The following USP13 variants were observed in gnomAD, a reference collection of about 807,000 sequenced individuals.
USP13 encodes the protein ubiquitin specific peptidase 13, also known as ubiquitin carboxyl-terminal hydrolase 13.
In USP13, 68 loss-of-function variants were observed where a neutral mutation model predicts 107.8. That is an observed-to-expected ratio of 0.63 (90% CI 0.52 to 0.77). The LOEUF (loss-of-function observed/expected upper bound fraction) is 0.77, where lower values mean the gene tolerates loss of function less well. Among genes scored for constraint, USP13 ranks in the 30% least tolerant of loss-of-function variants. The pLI, the probability that USP13 is intolerant of heterozygous loss-of-function variation, is 0.00. For synonymous variants in USP13, 377 were observed against 389.5 expected (o/e 0.97, Z 0.38); for missense variants, 945 against 1,093.3 (o/e 0.86, Z 1.91).
intron 6 of USP13, among the ~76,000 whole-genome samples, chr3:179,716,215 T>A (rs889382890): frequency 3.3e-5 from 5 of 152,158 alleles, no homozygotes; most frequent in Non-Finnish European, 5.9e-5. Context: ...TGAGCCACCG[T>A]GCCCGGCCTT....
Position 179,742,165 on chromosome 3 carries a change from C to A in USP13, c.1381-32C>A, listed in dbSNP as rs761064664. 6.2e-7 allele frequency: 1 copy of A among 1,613,548 alleles called. No individual in the cohort carries two copies. The highest frequency in any genetic ancestry group is 2.2e-5 in the East Asian group (1 of 44,870). On this transcript the variant is annotated intron_variant, in intron 11 of 20. Coordinates refer to ENST00000263966, the MANE Select transcript of USP13 (RefSeq NM_003940.3). The surrounding 1 kb of genome is among the most constrained non-coding windows in gnomAD (Gnocchi z 5.0). The stretch of plus-strand genomic sequence containing the variant: ...AAGTCTTAGTGGCTCAATATTCATA[C>A]ATTTACTAACCTGATACAATCCATC...
chr3:179,728,400 C>T (rs1315990719), intron 8 of USP13, among the ~76,000 whole-genome samples: 3 of 149,434 alleles, frequency 2.0e-5, no homozygotes, highest in East Asian at 2.0e-4. Context: ...CGGGCAGAGA[C>T]GCTCCTCACT....
At chr3:179,656,764 C>T (rs1339340212) in intron 1 of USP13, among the ~76,000 whole-genome samples, 1 of 152,166 alleles carries the variant, frequency 6.6e-6, no homozygotes, top group Non-Finnish European at 1.5e-5. Flanking sequence ...CCTGTCTAAC[C>T]CCCAGTGACA....
At chr3:179,728,173 G>T (rs1318812964) in intron 8 of USP13, among the ~76,000 whole-genome samples, 2 of 136,050 alleles carry the variant, frequency 1.5e-5, no homozygotes, top group Admixed American at 7.2e-5. Context: ...CTCACCTCCC[G>T]GACGGGGCGG....
chr3:179,729,712 T>G (rs137914673), intron 8 of USP13, among the ~76,000 whole-genome samples: 1,648 of 152,258 alleles, frequency 0.011, 18 homozygotes, highest in South Asian at 0.029. Context: ...CCTCCGATGA[T>G]CCACCCGCCT....
At position 179,653,617 on chromosome 3, in the gene USP13, T is replaced by C; in HGVS notation, c.168+224T>C. On this transcript the variant is annotated intron_variant, in intron 1 of 20. Coordinates refer to ENST00000263966, the MANE Select transcript of USP13 (RefSeq NM_003940.3). The surrounding 1 kb of genome is among the most constrained non-coding windows in gnomAD (Gnocchi z 4.0). ...TTTTGCTCCGCCAGCCTCCCCAGGC[T>C]GGAAGGGCCCGATTCCCAGCAGCTT... The C allele has an allele frequency of 1.7e-6, 1 of 586,054 alleles. No individual in the cohort carries two copies. The highest frequency in any genetic ancestry group is 2.9e-6 in the Non-Finnish European group (1 of 346,490). 36.3% of individuals were successfully genotyped at this position (586,054 alleles called of 1,614,324 possible).
intron 8 of USP13, among the ~76,000 whole-genome samples, chr3:179,725,818 T>A (rs1269858734): frequency 6.6e-6 from 1 of 152,192 alleles, no homozygotes; most frequent in Non-Finnish European, 1.5e-5. Flanking sequence ...GACATTCTAG[T>A]ATGTAATCTC....
chr3:179,714,870 C>T (rs57952805), intron 6 of USP13, among the ~76,000 whole-genome samples: 14 of 137,470 alleles, frequency 1.0e-4, no homozygotes, highest in East Asian at 4.2e-4. Flanking sequence ...TTTCCTTTTT[C>T]TTTTTTTTTT....
intron 4 of USP13, among the ~76,000 whole-genome samples, chr3:179,702,410 A>G (rs1712567604): frequency 6.6e-6 from 1 of 152,086 alleles, no homozygotes; most frequent in East Asian, 1.9e-4. Flanking sequence ...GGGTGGGTTG[A>G]GTTTAGACAT....
chr3:179,727,739 C>T (rs1370820785), intron 8 of USP13, among the ~76,000 whole-genome samples: 1 of 93,754 alleles, frequency 1.1e-5, no homozygotes, highest in Non-Finnish European at 2.4e-5. Flanking sequence ...CCAGTAGGGG[C>T]GGCCGGGCAG....
intron 18 of USP13, among the ~76,000 whole-genome samples, chr3:179,765,401 C>T (rs1016839338): frequency 4.6e-5 from 7 of 152,244 alleles, no homozygotes; most frequent in African/African-American, 1.7e-4. Flanking sequence ...TTATCAGCAT[C>T]TTCCTGCAGA....
intron 12 of USP13, among the ~76,000 whole-genome samples, chr3:179,744,116 G>A (rs995952103): frequency 6.6e-6 from 1 of 152,086 alleles, no homozygotes; most frequent in Non-Finnish European, 1.5e-5. Context: ...TGGTAGCCCT[G>A]ATGTCTGAGG....
intron 16 of USP13, among the ~76,000 whole-genome samples, chr3:179,760,324 C>T (rs1279991813): frequency 1.4e-5 from 2 of 147,444 alleles, no homozygotes; most frequent in South Asian, 4.3e-4. Context: ...CACTCTTTCG[C>T]CCAGGCTGGA....
At chr3:179,754,941 T>TACC (rs1470880584) in intron 15 of USP13, 87 bp downstream of exon 15, 36 of 1,465,312 alleles carry the variant, frequency 2.5e-5, no homozygotes, top group African/African-American at 4.3e-5. Context: ...GTGTTGCTGC[T>TACC]ACCACCACCA....
intron 10 of USP13, 28 bp downstream of exon 10, chr3:179,730,737 A>T (rs1347620300): frequency 6.2e-7 from 1 of 1,602,214 alleles, no homozygotes; most frequent in East Asian, 2.2e-5. Flanking sequence ...TGCCATGTTG[A>T]CATGTAGGTA....
intron 1 of USP13, among the ~76,000 whole-genome samples, chr3:179,660,984 C>T (rs984104357): frequency 6.6e-6 from 1 of 152,144 alleles, no homozygotes; most frequent in South Asian, 2.1e-4. Flanking sequence ...ATTTCTGTTG[C>T]TATTTACCAT....
intron 1 of USP13, among the ~76,000 whole-genome samples, chr3:179,658,778 T>C (rs1285566725): frequency 6.6e-6 from 1 of 152,082 alleles, no homozygotes; most frequent in East Asian, 1.9e-4. Flanking sequence ...TCAAGGTTTG[T>C]TCTAGGGGTG....
At chr3:179,687,921 T>C (rs1003040460) in intron 2 of USP13, among the ~76,000 whole-genome samples, 1 of 152,112 alleles carries the variant, frequency 6.6e-6, no homozygotes, top group African/African-American at 2.4e-5. Flanking sequence ...ACCCTCACTC[T>C]TATTTCACCA....
intron 16 of USP13, among the ~76,000 whole-genome samples, chr3:179,759,682 A>G (rs1240317499): frequency 1.3e-5 from 2 of 149,414 alleles, no homozygotes; most frequent in Non-Finnish European, 3.0e-5. Context: ...TGGTAAATGC[A>G]TTTTTTTTTT....
Sources: gnomAD v4.1 joint callset for allele counts (sites outside exome capture counted in the v4.1 genomes callset) on GRCh38, gnomAD v4.1.1 for gene constraint, Gnocchi (gnomAD v3.1) non-coding constraint, MANE v1.5 for transcripts, NCBI Gene and HGNC (gene_info 2026-07-23, HGNC 2026-07-21) for gene names.